Variants in CDH18 observed in about 807,000 individuals in gnomAD.
CDH18 encodes cadherin 18.
In CDH18, 31 loss-of-function variants were observed where a neutral mutation model predicts 67.9. That is an observed-to-expected ratio of 0.46 (90% CI 0.34 to 0.62). The LOEUF is 0.62. Among genes scored for constraint, CDH18 ranks in the 20% least tolerant of loss-of-function variants. The pLI is 0.01. For synonymous variants in CDH18, 362 were observed against 347.2 expected (o/e 1.04, Z -0.48); for missense variants, 890 against 975.5 (o/e 0.91, Z 1.17).
At chr5:20,097,481 G>A (rs371696143) in intron 2 of CDH18, among the ~76,000 whole-genome samples, 94 of 152,168 alleles carry the variant, frequency 6.2e-4, no homozygotes, top group African/African-American at 2.3e-3. Context: ...GGAAAAATCC[G>A]CCCCCAAGAT....
chr5:20,125,113 A>G (rs572054799), intron 2 of CDH18, among the ~76,000 whole-genome samples: 18 of 152,246 alleles, frequency 1.2e-4, no homozygotes, highest in Non-Finnish European at 2.4e-4. Flanking sequence ...AATAAAAGCT[A>G]TACATGAACT....
intron 5 of CDH18, among the ~76,000 whole-genome samples, chr5:19,657,957 T>C (rs1468734203): frequency 6.6e-6 from 1 of 152,086 alleles, no homozygotes; most frequent in Non-Finnish European, 1.5e-5. Flanking sequence ...AGTCCTGGCA[T>C]AAGAGGGCCA....
intron 2 of CDH18, among the ~76,000 whole-genome samples, chr5:19,970,576 G>A (rs1032533744): frequency 4.6e-5 from 7 of 151,342 alleles, no homozygotes; most frequent in Non-Finnish European, 1.0e-4. Flanking sequence ...ACTGTATTAC[G>A]TTTTCTTTTA....
In CDH18 at chr5:20,104,504, C is replaced by T. The variant is rs1746757877; in HGVS notation, c.-517-112490G>A. Among the ~76,000 whole-genome samples, 3 of 152,130 alleles carry T rather than the reference C, an allele frequency of 2.0e-5. No individual in the cohort carries two copies. In the South Asian group the frequency reaches 6.2e-4, roughly 31 times the overall value. ...TTAGAATGCGAGTCTCCTCAAAATA[C>T]TCTGATGACTTCTCACCTCTCTCAG... On this transcript the variant is annotated intron_variant, in intron 2 of 14. Transcript: ENST00000507958.
Position 19,828,785 on chromosome 5 carries a change from CCA to C in CDH18, c.228+9972_228+9973del, listed in dbSNP as rs774448922. Among the ~76,000 whole-genome samples, 3 of 152,178 alleles carry C rather than the reference CCA, an allele frequency of 2.0e-5. No individual in the cohort carries two copies. The South Asian group carries it at 6.2e-4, about 32-fold the overall frequency. ...GGCGCTGTGGCTCATGCCTGTAACCCCAGTACTTTGGGAGGCCAAGGCGGGAG... is the reference window on the plus strand; with the variant it reads ...GGCGCTGTGGCTCATGCCTGTAACCCGTACTTTGGGAGGCCAAGGCGGGAG... On this transcript the variant is annotated intron_variant, in intron 3 of 12. Coordinates refer to ENST00000382275, the MANE Select transcript of CDH18 (RefSeq NM_004934.5).
At chr5:20,562,857 G>T (rs1240688520) in intron 1 of CDH18, among the ~76,000 whole-genome samples, 3 of 151,816 alleles carry the variant, frequency 2.0e-5, no homozygotes, top group African/African-American at 7.2e-5. Flanking sequence ...CTTTAACATG[G>T]TTATGAACCA....
At chr5:20,027,180 T>A (rs938969935) in intron 2 of CDH18, among the ~76,000 whole-genome samples, 5 of 152,026 alleles carry the variant, frequency 3.3e-5, no homozygotes, top group Admixed American at 2.6e-4. Flanking sequence ...ACTTTATGTA[T>A]GATTAAACTT....
chr5:19,965,742 AGGTAGAAAGAGAGAGGCG>A (rs1181304383), intron 2 of CDH18, among the ~76,000 whole-genome samples: 1,872 of 152,114 alleles, frequency 0.012, 54 homozygotes, highest in African/African-American at 0.042. Context: ...AGAGAGAGGC[AGGTAGAAAGAGAGAGGCG>A]GGTAGAAAGA....
intron 2 of CDH18, among the ~76,000 whole-genome samples, chr5:20,118,658 C>T (rs747958579): frequency 2.0e-5 from 3 of 152,122 alleles, no homozygotes; most frequent in African/African-American, 4.8e-5. Context: ...CAGCTAAAAA[C>T]GGAAAGCTGT....
rs1431331400 is a variant in CDH18, at chr5:20,367,468, C to T, written c.-579-111963G>A. ...ATGCCAAAGGAGGCGGGTTCTATGC[C>T]TGACCTCTAATCCTGGGCTGCTGGG... On this transcript the variant is annotated intron_variant, in intron 1 of 14. Coordinates refer to the CDH18 transcript ENST00000507958. Among the ~76,000 whole-genome samples the T allele has an allele frequency of 7.2e-5, 11 of 152,278 alleles. No homozygotes were observed. The East Asian group carries it at 1.2e-3, about 16-fold the overall frequency.
At chr5:19,687,039 C>T (rs1185049080) in intron 5 of CDH18, among the ~76,000 whole-genome samples, 1 of 152,104 alleles carries the variant, frequency 6.6e-6, no homozygotes, top group African/African-American at 2.4e-5. Flanking sequence ...AAAGAAGTGA[C>T]AGGAAGCACC....
intron 1 of CDH18, among the ~76,000 whole-genome samples, chr5:20,427,988 T>C (rs956760406): frequency 6.6e-6 from 1 of 151,020 alleles, no homozygotes; most frequent in Non-Finnish European, 1.5e-5. Context: ...GCAGGTTTGT[T>C]ACATAGGTAT....
chr5:20,227,098 C>A (rs1036863622), intron 2 of CDH18, among the ~76,000 whole-genome samples: 1 of 152,104 alleles, frequency 6.6e-6, no homozygotes, highest in South Asian at 2.1e-4. Context: ...TGAGACCCAA[C>A]CCTACCATTG....
chr5:19,921,256 GCA>G (rs1792420338), intron 2 of CDH18, among the ~76,000 whole-genome samples: 3 of 152,100 alleles, frequency 2.0e-5, no homozygotes, highest in South Asian at 2.1e-4. Flanking sequence ...AACAGGCCGG[GCA>G]TAGTGGCTCA....
intron 11 of CDH18, among the ~76,000 whole-genome samples, chr5:19,497,668 A>C (rs1180173826): frequency 6.6e-6 from 1 of 152,224 alleles, no homozygotes; most frequent in Non-Finnish European, 1.5e-5. Context: ...GAATTTCATC[A>C]GAGTATAGAT....
intron 2 of CDH18, among the ~76,000 whole-genome samples, chr5:19,875,584 A>G (rs1381889473): frequency 6.6e-6 from 1 of 152,080 alleles, no homozygotes; most frequent in Non-Finnish European, 1.5e-5. Flanking sequence ...CATTTTTGAT[A>G]CATAAAGCAG....
chr5:20,471,310 C>G (rs1268901353), intron 1 of CDH18, among the ~76,000 whole-genome samples: 19 of 152,136 alleles, frequency 1.2e-4, no homozygotes, highest in Non-Finnish European at 1.5e-5. Flanking sequence ...TCACAAGGCA[C>G]CATCATAACC....
intron 1 of CDH18, among the ~76,000 whole-genome samples, chr5:20,523,723 A>G (rs890238353): frequency 2.0e-5 from 3 of 152,102 alleles, no homozygotes; most frequent in Non-Finnish European, 4.4e-5. Flanking sequence ...TATTTTTAGT[A>G]GAGATGGCAT....
At position 20,305,475 on chromosome 5, in the gene CDH18, G is replaced by A. The variant is rs922375224; in HGVS notation, c.-579-49970C>T. 5.2e-5 allele frequency: 66 copies of A among 1,281,146 alleles called. 1 individual carries two copies. The Middle Eastern group carries it at 1.8e-3, about 36-fold the overall frequency. 79.4% of individuals were successfully genotyped at this position (1,281,146 alleles called of 1,614,324 possible). On this transcript the variant is annotated intron_variant, in intron 1 of 14. Transcript: ENST00000507958. ...TTTTCGAACCTCCTCAGCGGCCGCC[G>A]CTGCACTCGCTGGGTCTTGGGTGCC... is the stretch of plus-strand genomic sequence containing the variant.
Sources: allele counts gnomAD v4.1 joint callset (sites outside exome capture counted in the v4.1 genomes callset), GRCh38; gene constraint gnomAD v4.1.1; transcripts MANE v1.5; gene names NCBI Gene and HGNC (gene_info 2026-07-23, HGNC 2026-07-21).